ZBTB20: variants seen among roughly 807,000 people sequenced by gnomAD.
The protein encoded by ZBTB20 is zinc finger and BTB domain-containing protein 20.
In ZBTB20, 9 loss-of-function variants were observed where a neutral mutation model predicts 56.9. The ratio of observed to expected loss-of-function variants is 0.16; its 90% CI spans 0.10 to 0.28. The LOEUF (loss-of-function observed/expected upper bound fraction) is 0.28, where lower values mean the gene tolerates loss of function less well. Among genes scored for constraint, ZBTB20 ranks in the 10% least tolerant of loss-of-function variants. The probability of loss-of-function intolerance (pLI) is 1.00; values close to 1 mark genes in which losing one functional copy is unlikely to be tolerated. For missense variants in ZBTB20, 655 were observed against 1,003.0 expected (o/e 0.65, Z 4.69); for synonymous variants, 417 against 420.7 (o/e 0.99, Z 0.11).
At chr3:114,827,755 T>C (rs1013109724) in intron 4 of ZBTB20, among the ~76,000 whole-genome samples, 1 of 151,754 alleles carries the variant, frequency 6.6e-6, no homozygotes, top group African/African-American at 2.4e-5. Flanking sequence ...AGTTCTTCAA[T>C]AAGAACCAAG....
At chr3:114,372,688 C>T (rs1021999622) in intron 10 of ZBTB20, among the ~76,000 whole-genome samples, 3 of 151,528 alleles carry the variant, frequency 2.0e-5, no homozygotes, top group African/African-American at 7.3e-5. Context: ...AAAAAACCCC[C>T]CAAAAAACTA....
intron 4 of ZBTB20, among the ~76,000 whole-genome samples, chr3:114,854,080 G>C (rs1185089332): frequency 6.6e-6 from 1 of 152,030 alleles, no homozygotes; most frequent in Non-Finnish European, 1.5e-5. Flanking sequence ...AGATTCTTAA[G>C]TTCTTTCTGT....
chr3:114,961,448 G>A (rs2077448234), intron 3 of ZBTB20, among the ~76,000 whole-genome samples: 1 of 151,788 alleles, frequency 6.6e-6, no homozygotes, highest in Admixed American at 6.6e-5. Flanking sequence ...TGTAATCCAA[G>A]GAAAAATCAA....
chr3:114,839,453 A>G (rs993469177), intron 4 of ZBTB20, among the ~76,000 whole-genome samples: 3 of 151,298 alleles, frequency 2.0e-5, no homozygotes, highest in African/African-American at 4.9e-5. Context: ...GAAAGAAAGA[A>G]AGAAAGAAAG....
intron 4 of ZBTB20, among the ~76,000 whole-genome samples, chr3:114,822,081 A>G (rs2073282375): frequency 1.3e-5 from 2 of 152,164 alleles, no homozygotes; most frequent in Non-Finnish European, 2.9e-5. Context: ...ATAGTGTAAC[A>G]TTAATATAGA....
chr3:114,745,479 C>T (rs2108617867), intron 5 of ZBTB20, among the ~76,000 whole-genome samples: 1 of 152,192 alleles, frequency 6.6e-6, no homozygotes, highest in Non-Finnish European at 1.5e-5. Context: ...GATAAAGAGA[C>T]CACTAGTCAA....
intron 4 of ZBTB20, among the ~76,000 whole-genome samples, chr3:114,823,107 T>C (rs2073343669): frequency 1.3e-5 from 2 of 152,128 alleles, no homozygotes. Flanking sequence ...CCTGGCCTAA[T>C]CATCTGGCTA....
chr3:114,619,703 T>A (rs1478631894), intron 6 of ZBTB20, among the ~76,000 whole-genome samples: 1 of 152,196 alleles, frequency 6.6e-6, no homozygotes, highest in Admixed American at 6.5e-5. Context: ...CACTAAGTGA[T>A]TCCACCTATT....
At chr3:114,600,789 G>A (rs2056699665) in intron 6 of ZBTB20, among the ~76,000 whole-genome samples, 2 of 151,868 alleles carry the variant, frequency 1.3e-5, no homozygotes. Flanking sequence ...ACCCAACTCT[G>A]GGCTTAAAGT....
At chr3:114,548,517 C>CGT (rs1553748688) in intron 6 of ZBTB20, among the ~76,000 whole-genome samples, 3 of 145,002 alleles carry the variant, frequency 2.1e-5, no homozygotes, top group Non-Finnish European at 4.6e-5. Flanking sequence ...TTTTTATTTT[C>CGT]TTTTTTTTTT....
intron 2 of ZBTB20, among the ~76,000 whole-genome samples, chr3:115,039,494 G>C (rs898585031): frequency 6.6e-6 from 1 of 151,772 alleles, no homozygotes; most frequent in Non-Finnish European, 1.5e-5. Context: ...CACAGATGAC[G>C]TGTTGCTTGA....
chr3:114,767,388 T>C (rs1205740646), intron 5 of ZBTB20, among the ~76,000 whole-genome samples: 1 of 151,926 alleles, frequency 6.6e-6, no homozygotes, highest in Non-Finnish European at 1.5e-5. Context: ...AAAATCAGCA[T>C]CAAGTGATGA....
intron 1 of ZBTB20, among the ~76,000 whole-genome samples, chr3:115,111,703 ATTATT>A (rs987234772): frequency 3.3e-5 from 5 of 152,310 alleles, no homozygotes; most frequent in South Asian, 2.1e-4. Flanking sequence ...TACTATTACT[ATTATT>A]TTAAGTTACC....
intron 2 of ZBTB20, among the ~76,000 whole-genome samples, chr3:115,018,588 A>C (rs1169727308): frequency 6.6e-6 from 1 of 151,430 alleles, no homozygotes; most frequent in African/African-American, 2.4e-5. Flanking sequence ...GAAAGTAAGA[A>C]TTGGACTAGA....
At chr3:114,931,389 C>A (rs1052008471) in intron 3 of ZBTB20, 1 of 243,314 alleles carries the variant, frequency 4.1e-6, no homozygotes, top group Admixed American at 4.6e-5. Flanking sequence ...CACAACATGG[C>A]AAAGAGACAA....
chr3:114,691,435 T>C (rs2062691075), intron 6 of ZBTB20, among the ~76,000 whole-genome samples: 7 of 152,104 alleles, frequency 4.6e-5, no homozygotes. Flanking sequence ...ATTCATGAAT[T>C]TAAGATTTTT....
chr3:114,630,538 T>C (rs1247650247), intron 6 of ZBTB20, among the ~76,000 whole-genome samples: 1 of 152,240 alleles, frequency 6.6e-6, no homozygotes, highest in African/African-American at 2.4e-5. Flanking sequence ...AGAAGCTACC[T>C]GTGCTTCAGC....
intron 5 of ZBTB20, among the ~76,000 whole-genome samples, chr3:114,766,989 T>G (rs1560225595): frequency 6.6e-6 from 1 of 152,134 alleles, no homozygotes; most frequent in South Asian, 2.1e-4. Context: ...GATGTTCTTG[T>G]TCAAGATGGT....
intron 2 of ZBTB20, among the ~76,000 whole-genome samples, chr3:114,976,893 G>T (rs1054487855): frequency 2.6e-5 from 4 of 151,874 alleles, no homozygotes; most frequent in Non-Finnish European, 5.9e-5. Context: ...ACAATTTTCA[G>T]TTCATTAATT....
Sources: allele counts gnomAD v4.1 joint callset (sites outside exome capture counted in the v4.1 genomes callset), GRCh38; gene constraint gnomAD v4.1.1; transcripts MANE v1.5; gene names NCBI Gene and HGNC (gene_info 2026-07-23, HGNC 2026-07-21).